NR6A1: variants seen among roughly 807,000 people sequenced by gnomAD.
NR6A1 encodes the protein nuclear receptor subfamily 6 group A member 1, also known as retinoic acid receptor-related testis-associated receptor.
A neutral mutation model predicts 59.1 loss-of-function variants in NR6A1; 7 were observed. The observed-to-expected ratio is 0.12, with a 90% confidence interval of 0.07 to 0.22. NR6A1 has a LOEUF of 0.22. NR6A1 is among the 10% of genes least tolerant of loss of function. The pLI, the probability that NR6A1 is intolerant of heterozygous loss-of-function variation, is 1.00. For missense variants in NR6A1, 468 were observed against 611.6 expected, an observed-to-expected ratio of 0.77 and a Z score of 2.48; for synonymous variants, 243 against 236.1, an observed-to-expected ratio of 1.03 and a Z score of -0.27.
chr9:124,660,822 G>A (rs1479327485), intron 2 of NR6A1, among the ~76,000 whole-genome samples: 1 of 152,046 alleles, frequency 6.6e-6, no homozygotes, highest in African/African-American at 2.4e-5. Context: ...CCTTGGCACA[G>A]TAAGAAATAT....
intron 2 of NR6A1, among the ~76,000 whole-genome samples, chr9:124,659,562 T>C (rs1040884781): frequency 1.3e-5 from 2 of 152,122 alleles, no homozygotes; most frequent in Non-Finnish European, 2.9e-5. Flanking sequence ...TGACAGGAAG[T>C]GCCCCAAGCT....
intron 2 of NR6A1, among the ~76,000 whole-genome samples, chr9:124,578,916 T>C (rs1235733473): frequency 6.6e-6 from 1 of 152,160 alleles, no homozygotes; most frequent in Non-Finnish European, 1.5e-5. Context: ...AGGGAGAGGA[T>C]TATAGGGGAC....
intron 2 of NR6A1, among the ~76,000 whole-genome samples, chr9:124,595,553 TTCTC>T (rs371630110): frequency 2.0e-5 from 3 of 152,186 alleles, no homozygotes; most frequent in South Asian, 2.1e-4. Flanking sequence ...TTCACTGCAG[TTCTC>T]TCTCACTTTT....
intron 6 of NR6A1, among the ~76,000 whole-genome samples, chr9:124,536,663 TAAAAAAAAAAA>T (rs79553613): frequency 7.8e-6 from 1 of 128,544 alleles, no homozygotes; most frequent in Admixed American, 7.9e-5. Context: ...AGACTCTGTC[TAAAAAAAAAAA>T]AAAAAGAAAT....
intron 2 of NR6A1, among the ~76,000 whole-genome samples, chr9:124,579,739 G>A (rs10217213): frequency 0.018 from 2,719 of 152,220 alleles, 82 homozygotes; most frequent in African/African-American, 0.062. Context: ...AGCCGGGCAC[G>A]GTAGCTCATA....
intron 7 of NR6A1, among the ~76,000 whole-genome samples, chr9:124,528,172 GGC>G: frequency 6.6e-6 from 1 of 152,308 alleles, no homozygotes; most frequent in Middle Eastern, 3.4e-3. Context: ...TAACTTTGAA[GGC>G]TTTGCAGGCT....
intron 1 of NR6A1, among the ~76,000 whole-genome samples, chr9:124,753,966 C>T (rs902868103): frequency 1.3e-5 from 2 of 152,154 alleles, no homozygotes; most frequent in Non-Finnish European, 1.5e-5. Flanking sequence ...AGAAGTCAAA[C>T]CCTAAAGGGC....
chr9:124,704,033 G>C (rs1839047160), intron 2 of NR6A1, among the ~76,000 whole-genome samples: 2 of 152,226 alleles, frequency 1.3e-5, no homozygotes, highest in South Asian at 2.1e-4. Context: ...TTTGTAGGAA[G>C]ATTTTTAATT....
At chr9:124,696,770 C>T (rs1838778881) in intron 2 of NR6A1, among the ~76,000 whole-genome samples, 1 of 152,102 alleles carries the variant, frequency 6.6e-6, no homozygotes, top group Non-Finnish European at 1.5e-5. Flanking sequence ...GATCCGCCCA[C>T]CTCAGCCTCC....
At chr9:124,640,759 A>T (rs1836747660) in intron 2 of NR6A1, among the ~76,000 whole-genome samples, 1 of 151,898 alleles carries the variant, frequency 6.6e-6, no homozygotes, top group Admixed American at 6.6e-5. Context: ...CCCAAGCAGG[A>T]TTACAGGCAT....
chr9:124,532,424 G>A (rs566921075), intron 7 of NR6A1, among the ~76,000 whole-genome samples: 52 of 152,166 alleles, frequency 3.4e-4, no homozygotes, highest in Admixed American at 1.7e-3. Flanking sequence ...CGGATGCCCC[G>A]CCATCTCCAC....
chr9:124,686,609 C>T (rs145656516), intron 2 of NR6A1, among the ~76,000 whole-genome samples: 14 of 152,240 alleles, frequency 9.2e-5, no homozygotes, highest in African/African-American at 3.4e-4. Flanking sequence ...GTCCTGCTTC[C>T]TGTGGGTTTG....
intron 2 of NR6A1, among the ~76,000 whole-genome samples, chr9:124,696,805 T>A (rs570965249): frequency 6.6e-6 from 1 of 152,140 alleles, no homozygotes; most frequent in African/African-American, 2.4e-5. Context: ...CACAGGCACG[T>A]ACCACCATGC....
intron 2 of NR6A1, among the ~76,000 whole-genome samples, chr9:124,629,864 T>G (rs1455741133): frequency 1.3e-5 from 2 of 152,216 alleles, no homozygotes; most frequent in Admixed American, 6.5e-5. Context: ...AGGGAGGAAC[T>G]GACTCCAGTG....
chr9:124,524,578 C>CT, intron 9 of NR6A1, 143 bp downstream of exon 9: 1 of 875,768 alleles, frequency 1.1e-6, no homozygotes, highest in Non-Finnish European at 1.7e-6. Flanking sequence ...TATAACAGAC[C>CT]TTTTTTGAGG....
intron 2 of NR6A1, among the ~76,000 whole-genome samples, chr9:124,618,862 T>C: frequency 6.6e-6 from 1 of 152,204 alleles, no homozygotes; most frequent in East Asian, 1.9e-4. Context: ...AAGCAGGCTC[T>C]CTTACACCCT....
intron 4 of NR6A1, among the ~76,000 whole-genome samples, chr9:124,543,405 C>G (rs1833505239): frequency 6.6e-6 from 1 of 152,142 alleles, no homozygotes; most frequent in Non-Finnish European, 1.5e-5. Context: ...ATTATCATTC[C>G]TACTCTACAA....
rs529530317 is a variant in NR6A1, at chr9:124,745,379, A to T, written c.101-12030T>A. ...GTTTTTATAAACAGAAACATACATT[A>T]AAAAAATCCTGGCAGGGCACAGCGG... On this transcript the variant is annotated intron_variant, in intron 1 of 9. Transcript: ENST00000487099. Among the ~76,000 whole-genome samples, 186 of 152,280 alleles carry T rather than the reference A, an allele frequency of 1.2e-3. 2 individuals are homozygous for T. The highest frequency in any genetic ancestry group is 4.0e-3 in the African/African-American group (166 of 41,556).
rs113746755 is a variant in NR6A1, at chr9:124,736,871, G to T, written c.101-3522C>A. ...AAAATAAAGAATTAAATGACACAGT[G>T]AATATAAAGGCTTTGCACAGTACTT... On this transcript the variant is annotated intron_variant, in intron 1 of 9. Coordinates refer to ENST00000487099, the MANE Select transcript of NR6A1 (RefSeq NM_033334.4). Among the ~76,000 whole-genome samples, 917 of 152,158 alleles carry T rather than the reference G, an allele frequency of 6.0e-3. 1 individual carries two copies. The highest frequency in any genetic ancestry group is 9.9e-3 in the Non-Finnish European group (673 of 67,984).
Sources: gnomAD v4.1 joint callset for allele counts (sites outside exome capture counted in the v4.1 genomes callset) on GRCh38, gnomAD v4.1.1 for gene constraint, MANE v1.5 for transcripts, NCBI Gene and HGNC (gene_info 2026-07-23, HGNC 2026-07-21) for gene names.